RMDN1: variants seen among roughly 807,000 people sequenced by gnomAD.
RMDN1 encodes the protein regulator of microtubule dynamics protein 1.
Under a neutral mutation model 48.9 loss-of-function variants are expected in RMDN1, and 48 were observed. The ratio of observed to expected loss-of-function variants is 0.98; its 90% CI spans 0.78 to 1.25. The LOEUF (loss-of-function observed/expected upper bound fraction) is 1.25, where lower values mean the gene tolerates loss of function less well. Among genes scored for constraint, RMDN1 ranks in the 50% most tolerant of loss-of-function variants. RMDN1 has a pLI of 0.00. For missense variants in RMDN1, 418 were observed against 373.4 expected, an observed-to-expected ratio of 1.12 and a Z score of -0.98; for synonymous variants, 148 against 132.6, an observed-to-expected ratio of 1.12 and a Z score of -0.80.
At chr8:86,478,843 G>T in intron 7 of RMDN1, 80 bp downstream of exon 7, 5 of 1,090,214 alleles carry the variant, frequency 4.6e-6, no homozygotes, top group Middle Eastern at 2.0e-4. Flanking sequence ...CTGAATCAGA[G>T]CTCCACATGT....
At chr8:86,505,640 A>C (rs1037915967) in intron 2 of RMDN1, among the ~76,000 whole-genome samples, 1 of 152,180 alleles carries the variant, frequency 6.6e-6, no homozygotes, top group Non-Finnish European at 1.5e-5. Flanking sequence ...CCATGATGGA[A>C]ATGTTTATTT....
chr8:86,501,460 C>A (rs1385408357), intron 2 of RMDN1, among the ~76,000 whole-genome samples: 1 of 151,994 alleles, frequency 6.6e-6, no homozygotes, highest in African/African-American at 2.4e-5. Flanking sequence ...ATTGCTTGAG[C>A]CTAGGAGTTC....
intron 2 of RMDN1, among the ~76,000 whole-genome samples, chr8:86,496,034 T>A (rs1473063843): frequency 6.6e-6 from 1 of 152,130 alleles, no homozygotes; most frequent in African/African-American, 2.4e-5. Context: ...CAACCAAGAA[T>A]TTCATATCCA....
At chr8:86,513,887 G>A (rs1471520326) in intron 1 of RMDN1, among the ~76,000 whole-genome samples, 3 of 147,490 alleles carry the variant, frequency 2.0e-5, no homozygotes, top group Non-Finnish European at 3.0e-5. Flanking sequence ...GGGTCTGTTT[G>A]TCACCCAGGC....
intron 2 of RMDN1, among the ~76,000 whole-genome samples, chr8:86,503,179 C>G (rs1410413356): frequency 6.6e-6 from 1 of 151,808 alleles, no homozygotes; most frequent in African/African-American, 2.4e-5. Context: ...TGGTGAAACC[C>G]CGTCTCTACT....
At chr8:86,468,512 A>G (rs1391161288), downstream of RMDN1, 5 of 414,442 alleles carry the variant, frequency 1.2e-5, no homozygotes, top group Non-Finnish European at 1.9e-5. Flanking sequence ...GTATACCATA[A>G]AAGAGTTAAG....
intron 5 of RMDN1, chr8:86,482,663 C>T (rs538293417): frequency 2.1e-5 from 17 of 827,046 alleles, no homozygotes; most frequent in South Asian, 9.2e-5. Context: ...TGAGCGCAGT[C>T]GGAAAAAGAC....
intron 2 of RMDN1, among the ~76,000 whole-genome samples, chr8:86,500,236 A>C (rs907789903): frequency 3.9e-5 from 6 of 152,196 alleles, no homozygotes; most frequent in Admixed American, 3.9e-4. Context: ...CAGGTTTCTT[A>C]AACAGACAAC....
chr8:86,489,658 C>A (rs1376471491), intron 2 of RMDN1, among the ~76,000 whole-genome samples: 1 of 151,990 alleles, frequency 6.6e-6, no homozygotes, highest in Non-Finnish European at 1.5e-5. Flanking sequence ...GGTGAAACCC[C>A]ATCTCTACTA....
At position 86,504,663 on chromosome 8, in the gene RMDN1, A is replaced by G. The variant is rs1563660576; in HGVS notation, c.247+2332T>C. On this transcript the variant is annotated intron_variant, in intron 2 of 9. Coordinates refer to ENST00000406452, the MANE Select transcript of RMDN1 (RefSeq NM_016033.3). ...GTTATTAAAGGATGAGTATAATGGG[A>G]TGAGCTTTGTCTTTATCGGGGCTAT... 3.3e-5 allele frequency: 29 copies of G among 876,774 alleles called. 1 individual carries two copies. The South Asian group carries it at 3.8e-4, about 11-fold the overall frequency. The allele number at this position is 876,774 out of a possible 1,614,324, so 54.3% of individuals were successfully genotyped here.
intron 5 of RMDN1, chr8:86,483,015 C>G (rs905510793): frequency 1.7e-6 from 1 of 602,892 alleles, no homozygotes; most frequent in African/African-American, 1.8e-5. Context: ...TGGAGGCAGC[C>G]GCCCAGGCCA....
intron 2 of RMDN1, among the ~76,000 whole-genome samples, chr8:86,506,599 T>C (rs1451574387): frequency 6.6e-6 from 1 of 152,226 alleles, no homozygotes; most frequent in Non-Finnish European, 1.5e-5. Flanking sequence ...ACAGCCCCTT[T>C]TTCATATGTT....
Position 86,478,760 on chromosome 8 carries a change from T to A in RMDN1, c.729+163A>T, listed in dbSNP as rs1813829514. 1.4e-5 allele frequency: 9 copies of A among 649,400 alleles called. No homozygotes were observed. The Admixed American group carries it at 2.2e-4, about 16-fold the overall frequency. The allele number at this position is 649,400 out of a possible 1,614,324, so 40.2% of individuals were successfully genotyped here. On this transcript the variant is annotated intron_variant, in intron 7 of 9. Coordinates refer to ENST00000406452, the MANE Select transcript of RMDN1 (RefSeq NM_016033.3). ...GGGGAAAAAGAAAACCACTCACCAGTCAAGGATAATAAGTGTTAAGCCTTG... is the reference window on the plus strand; with the variant it reads ...GGGGAAAAAGAAAACCACTCACCAGACAAGGATAATAAGTGTTAAGCCTTG...
At chr8:86,484,262 T>TA (rs1165725935) in intron 5 of RMDN1, among the ~76,000 whole-genome samples, 1 of 152,028 alleles carries the variant, frequency 6.6e-6, no homozygotes, top group Non-Finnish European at 1.5e-5. Flanking sequence ...AACTAAGTGA[T>TA]AAAAAAACAA....
In RMDN1 at chr8:86,486,600, C is replaced by G. The variant is rs78015199; in HGVS notation, c.379G>C (p.Asp127His). 1 of 1,608,994 alleles carries G rather than the reference C, an allele frequency of 6.2e-7. No individual in the cohort carries two copies. Among genetic ancestry groups the G allele is most frequent in the East Asian group, 2.2e-5 (1 of 44,826 alleles). ...GAGGTTCTGCTAAGCTGAGCTACAT[C>G]ACGTGATGCCCGTGCCAAACGCCAC... ...LLWRLARASR[D>H]VAQLSRTSEE... Residue 127 changes from aspartate (D) to histidine (H), a missense_variant, in exon 4 of 10, where the codon GAT becomes CAT. By Grantham distance (81) the Asp-to-His change is moderately conservative. Coordinates refer to ENST00000406452, the MANE Select transcript of RMDN1 (RefSeq NM_016033.3).
At chr8:86,504,518 G>T in intron 2 of RMDN1, 1 of 1,464,796 alleles carries the variant, frequency 6.8e-7, no homozygotes, top group Non-Finnish European at 9.6e-7. Flanking sequence ...ATTGGTGCAC[G>T]TGTGTTTAAT....
intron 5 of RMDN1, chr8:86,482,852 G>A: frequency 8.6e-7 from 1 of 1,162,396 alleles, no homozygotes; most frequent in Non-Finnish European, 1.3e-6. Flanking sequence ...AGCTCTCTTT[G>A]CTGAACATAC....
In RMDN1 at chr8:86,488,554, T is replaced by C. The variant is rs140258784; in HGVS notation, c.333A>G (p.Glu111=). The change falls in exon 3 of 10, where the codon GAA becomes GAG. Residue 111 remains glutamate (E), a splice_region_variant and synonymous_variant. Coordinates refer to ENST00000406452, the MANE Select transcript of RMDN1 (RefSeq NM_016033.3). The part of the protein sequence containing the change: ...KLYQLLTQYK[E]SEDAELLWRL... The stretch of plus-strand genomic sequence containing the variant: ...TAGGCCTATCCTACATTGCTTACCT[T>C]TCCTTGTATTGGGTTAGCAACTGAT... 6.3e-3 allele frequency: 10,128 copies of C among 1,603,190 alleles called. 42 individuals are homozygous for C. Among genetic ancestry groups the C allele is most frequent in the Middle Eastern group, 0.011 (64 of 6,022 alleles).
rs762429703 is a variant in RMDN1 at position 86,474,807 on chromosome 8, G to A, written c.894+13C>T. 3.1e-6 allele frequency: 5 copies of A among 1,598,862 alleles called. No homozygotes were observed. Among genetic ancestry groups the A allele is most frequent in the Non-Finnish European group, 4.3e-6 (5 of 1,174,474 alleles). ...CAAAACCTTTCTGCCTTACTTTATG[G>A]GAGATGTTTTACCTGTTTATCCTCC... On this transcript the variant is annotated intron_variant, in intron 9 of 9. Transcript: ENST00000406452.
Sources: gnomAD v4.1 joint callset for allele counts (sites outside exome capture counted in the v4.1 genomes callset) on GRCh38, gnomAD v4.1.1 for gene constraint, MANE v1.5 for transcripts, NCBI Gene and HGNC (gene_info 2026-07-23, HGNC 2026-07-21) for gene names.